Variants in TSHZ2 observed in about 807,000 individuals in gnomAD.
TSHZ2 encodes teashirt homolog 2.
In TSHZ2, 21 loss-of-function variants were observed where a neutral mutation model predicts 74.4. The observed-to-expected ratio is 0.28, with a 90% CI of 0.20 to 0.41. TSHZ2 has a LOEUF of 0.41. Ranked by LOEUF, TSHZ2 falls within the 10% of genes least tolerant of loss-of-function variation. The probability of loss-of-function intolerance (pLI) is 1.00; values close to 1 mark genes in which losing one functional copy is unlikely to be tolerated. For synonymous variants in TSHZ2, 540 were observed against 515.3 expected, an observed-to-expected ratio of 1.05 and a Z score of -0.65; for missense variants, 1,244 against 1,293.5, an observed-to-expected ratio of 0.96 and a Z score of 0.59.
chr20:52,995,662 G>C (rs1982159359), intron 1 of TSHZ2, among the ~76,000 whole-genome samples: 1 of 150,526 alleles, frequency 6.6e-6, no homozygotes, highest in East Asian at 1.9e-4. Context: ...GCCCAGGCTG[G>C]AGTGCAGTGG....
chr20:53,316,534 T>C (rs999506522), intron 2 of TSHZ2, among the ~76,000 whole-genome samples: 1 of 151,666 alleles, frequency 6.6e-6, no homozygotes, highest in African/African-American at 2.4e-5. Context: ...ATCAGGTTAC[T>C]ATACCCTCTC....
intron 1 of TSHZ2, among the ~76,000 whole-genome samples, chr20:53,021,360 C>T (rs746016791): frequency 2.3e-4 from 35 of 152,150 alleles, no homozygotes; most frequent in Non-Finnish European, 3.8e-4. Context: ...ACAATGGAAC[C>T]ACGTGCGCTG....
intron 2 of TSHZ2, among the ~76,000 whole-genome samples, chr20:53,371,831 T>A (rs1981482477): frequency 6.8e-6 from 1 of 146,220 alleles, no homozygotes. Context: ...AGCTGGATCA[T>A]GCCACTGCAC....
At chr20:53,009,529 T>C (rs1982775002) in intron 1 of TSHZ2, among the ~76,000 whole-genome samples, 1 of 152,220 alleles carries the variant, frequency 6.6e-6, no homozygotes, top group Non-Finnish European at 1.5e-5. Context: ...TGTTTATTTC[T>C]GGAATTTTCT....
At chr20:53,062,946 G>T (rs1030567507) in intron 1 of TSHZ2, among the ~76,000 whole-genome samples, 1 of 152,050 alleles carries the variant, frequency 6.6e-6, no homozygotes, top group South Asian at 2.1e-4. Flanking sequence ...CCATGGCAGG[G>T]TTATTAATTG....
chr20:53,158,307 G>GT (rs1987845520), intron 1 of TSHZ2, among the ~76,000 whole-genome samples: 1 of 152,164 alleles, frequency 6.6e-6, no homozygotes, highest in African/African-American at 2.4e-5. Flanking sequence ...TAATGGATGA[G>GT]GCTAGAAGGT....
intron 1 of TSHZ2, among the ~76,000 whole-genome samples, chr20:53,038,866 T>TTTTTG (rs202083601): frequency 7.4e-6 from 1 of 134,860 alleles, no homozygotes; most frequent in South Asian, 2.7e-4. Flanking sequence ...CTTGTTTTTT[T>TTTTTG]TTTGTTTGTT....
chr20:53,186,732 A>T (rs1425846782), intron 1 of TSHZ2, among the ~76,000 whole-genome samples: 1 of 152,012 alleles, frequency 6.6e-6, no homozygotes, highest in Non-Finnish European at 1.5e-5. Context: ...TTTCCAAGTC[A>T]TTCTCTGTCT....
At chr20:53,328,100 C>T (rs752766873) in intron 2 of TSHZ2, among the ~76,000 whole-genome samples, 7 of 152,072 alleles carry the variant, frequency 4.6e-5, no homozygotes, top group Non-Finnish European at 1.0e-4. Context: ...CATTGAGGGA[C>T]GATAAACCTG....
intron 1 of TSHZ2, among the ~76,000 whole-genome samples, chr20:53,001,205 C>CGCGTGT (rs1294899767): frequency 3.2e-5 from 3 of 94,192 alleles, no homozygotes; most frequent in African/African-American, 7.9e-5. Context: ...CGTTCATGTG[C>CGCGTGT]GTGTGTGTGT....
At chr20:53,156,519 A>G (rs1429381508) in intron 1 of TSHZ2, among the ~76,000 whole-genome samples, 1 of 152,226 alleles carries the variant, frequency 6.6e-6, no homozygotes, top group Non-Finnish European at 1.5e-5. Flanking sequence ...TGAAACAAGC[A>G]GAGCAAAGCT....
intron 1 of TSHZ2, among the ~76,000 whole-genome samples, chr20:53,227,341 A>G (rs1989707842): frequency 6.6e-6 from 1 of 152,154 alleles, no homozygotes; most frequent in South Asian, 2.1e-4. Context: ...AAAAGACTTC[A>G]TGGGCACACA....
At chr20:53,355,481 A>T (rs528595593) in intron 2 of TSHZ2, among the ~76,000 whole-genome samples, 1 of 152,352 alleles carries the variant, frequency 6.6e-6, no homozygotes, top group East Asian at 1.9e-4. Flanking sequence ...CTTCAAAAAC[A>T]TTAAGCTAAG....
At chr20:53,473,374 C>G (rs372072355) in intron 2 of TSHZ2, among the ~76,000 whole-genome samples, 8,777 of 138,966 alleles carry the variant, frequency 0.063, 384 homozygotes, top group East Asian at 0.15. Flanking sequence ...GCCTAACTGG[C>G]AGGCACCCCC....
intron 2 of TSHZ2, among the ~76,000 whole-genome samples, chr20:53,345,641 G>A (rs928343410): frequency 6.6e-5 from 10 of 152,012 alleles, no homozygotes; most frequent in African/African-American, 1.7e-4. Context: ...AGAGTTTGCC[G>A]AGTGCACATT....
intron 2 of TSHZ2, among the ~76,000 whole-genome samples, 185 bp from the exon 3 acceptor site, chr20:53,486,959 T>C (rs1443746386): frequency 6.6e-6 from 1 of 152,134 alleles, no homozygotes; most frequent in Non-Finnish European, 1.5e-5. Context: ...TTAAATAGTT[T>C]TTTTCTCAAA....
intron 2 of TSHZ2, among the ~76,000 whole-genome samples, chr20:53,478,752 C>G (rs1032707942): frequency 6.6e-6 from 1 of 151,980 alleles, no homozygotes. Context: ...TCCGCCTTTG[C>G]AGACTCACTG....
At chr20:53,400,498 G>A (rs975882913) in intron 2 of TSHZ2, 4 of 152,224 alleles carry the variant, frequency 2.6e-5, no homozygotes, top group Non-Finnish European at 4.4e-5. Flanking sequence ...CTATGAGGAA[G>A]AATGTGCTTT....
At chr20:52,989,950 T>A (rs962069816) in intron 1 of TSHZ2, among the ~76,000 whole-genome samples, 1 of 151,594 alleles carries the variant, frequency 6.6e-6, no homozygotes, top group Non-Finnish European at 1.5e-5. Flanking sequence ...TTAATATATA[T>A]ACATACTAAT....
Sources: gnomAD v4.1 joint callset for allele counts (sites outside exome capture counted in the v4.1 genomes callset) on GRCh38, gnomAD v4.1.1 for gene constraint, MANE v1.5 for transcripts, NCBI Gene and HGNC (gene_info 2026-07-23, HGNC 2026-07-21) for gene names.